POLR3B: variants seen among roughly 807,000 people sequenced by gnomAD.
POLR3B encodes the protein RNA polymerase III subunit B.
POLR3B carries 96 observed loss-of-function variants against 147.4 expected under a neutral mutation model. That is an observed-to-expected ratio of 0.65 (90% CI 0.55 to 0.77). The LOEUF (loss-of-function observed/expected upper bound fraction) is 0.77. Ranked by LOEUF, POLR3B falls within the 30% of genes least tolerant of loss-of-function variation. The pLI is 0.00. For synonymous variants in POLR3B, 461 were observed against 485.9 expected, an observed-to-expected ratio of 0.95 and a Z score of 0.67; for missense variants, 1,036 against 1,413.5, an observed-to-expected ratio of 0.73 and a Z score of 4.28.
At chr12:106,396,747 A>G (rs1171986884) in intron 10 of POLR3B, among the ~76,000 whole-genome samples, 1 of 152,104 alleles carries the variant, frequency 6.6e-6, no homozygotes, top group African/African-American at 2.4e-5. Flanking sequence ...AAGTTAAAGA[A>G]TCAAAGATCC....
chr12:106,377,967 A>C (rs547861142), intron 7 of POLR3B, among the ~76,000 whole-genome samples: 49 of 152,318 alleles, frequency 3.2e-4, no homozygotes, highest in African/African-American at 1.2e-3. Flanking sequence ...ACATGCCTCT[A>C]GTCCTAGCTA....
intron 23 of POLR3B, among the ~76,000 whole-genome samples, chr12:106,490,985 A>C (rs1201630424): frequency 6.6e-6 from 1 of 152,222 alleles, no homozygotes; most frequent in East Asian, 1.9e-4. Context: ...CAACCCAGGA[A>C]GGAATGAGCT....
intron 9 of POLR3B, among the ~76,000 whole-genome samples, chr12:106,389,009 A>G (rs1593012661): frequency 6.6e-6 from 1 of 152,104 alleles, no homozygotes; most frequent in Admixed American, 6.5e-5. Flanking sequence ...ATTTTTTCAT[A>G]AGTTTATTAT....
chr12:106,374,805 C>T (rs1214041339), intron 6 of POLR3B, among the ~76,000 whole-genome samples: 2 of 152,108 alleles, frequency 1.3e-5, no homozygotes, highest in East Asian at 1.9e-4. Flanking sequence ...CGTGAGCCAC[C>T]GCACCTGGCC....
intron 27 of POLR3B, among the ~76,000 whole-genome samples, chr12:106,509,090 G>A (rs1401027179): frequency 6.6e-6 from 1 of 152,190 alleles, no homozygotes; most frequent in Non-Finnish European, 1.5e-5. Flanking sequence ...CAATGGTTCA[G>A]ATTTCTGGAG....
intron 23 of POLR3B, among the ~76,000 whole-genome samples, chr12:106,491,230 T>A (rs1373213116): frequency 6.6e-6 from 1 of 152,168 alleles, no homozygotes; most frequent in Non-Finnish European, 1.5e-5. Context: ...TGCTAATTAT[T>A]CCCGTTACAA....
In POLR3B at chr12:106,509,405, T is replaced by A. The variant is rs368781406; in HGVS notation, c.3273-15T>A. 19 of 1,613,400 alleles carry A rather than the reference T, an allele frequency of 1.2e-5. No individual in the cohort carries two copies. The highest frequency in any genetic ancestry group is 1.6e-5 in the Non-Finnish European group (19 of 1,179,536). ...GAGTTGCTGTCTGTCTAACGCTTGC[T>A]GACTTGCGTTTCAGGTGCCATTACT... is the stretch of plus-strand genomic sequence containing the variant. On this transcript the variant is annotated splice_polypyrimidine_tract_variant and intron_variant, in intron 27 of 27. Coordinates refer to ENST00000228347, the MANE Select transcript of POLR3B (RefSeq NM_018082.6).
chr12:106,432,299 A>C lies in POLR3B; in HGVS notation c.1465-19A>C, dbSNP rs759497264. 6.2e-7 allele frequency: 1 copy of C among 1,610,302 alleles called. No individual in the cohort carries two copies. The highest frequency in any genetic ancestry group is 8.5e-7 in the Non-Finnish European group (1 of 1,176,604). On this transcript the variant is annotated intron_variant, in intron 14 of 27. Transcript: ENST00000228347. The stretch of plus-strand genomic sequence containing the variant: ...TTACTAATGTTCATTCTTAGAAATG[A>C]CCATCTTTTGTTTTTTAGGCATGTG...
At chr12:106,357,977 T>G (rs1471570445) in intron 1 of POLR3B, 26 bp downstream of exon 1, 2 of 1,610,172 alleles carry the variant, frequency 1.2e-6, no homozygotes, top group Non-Finnish European at 1.7e-6. Context: ...GCAGGGAGCG[T>G]CAGGGACAAG....
At chr12:106,379,946 T>A (rs2036736660) in intron 8 of POLR3B, 85 bp from the exon 9 acceptor site, 1 of 783,242 alleles carries the variant, frequency 1.3e-6, no homozygotes, top group African/African-American at 1.7e-5. Flanking sequence ...TGACCCTTAT[T>A]GATTAATGAT....
intron 8 of POLR3B, 64 bp from the exon 9 acceptor site, chr12:106,379,967 A>T: frequency 3.4e-6 from 3 of 875,164 alleles, no homozygotes. Flanking sequence ...CATTGCTATT[A>T]TTGCATGTTA....
chr12:106,460,370 G>C (rs1168916376), intron 22 of POLR3B, among the ~76,000 whole-genome samples: 1 of 152,166 alleles, frequency 6.6e-6, no homozygotes, highest in Admixed American at 6.6e-5. Flanking sequence ...TCTCTTAGTG[G>C]CTCATTAGAA....
intron 23 of POLR3B, among the ~76,000 whole-genome samples, chr12:106,469,042 G>A (rs1469182011): frequency 6.6e-6 from 1 of 152,118 alleles, no homozygotes; most frequent in Non-Finnish European, 1.5e-5. Flanking sequence ...ACAGTGGGGT[G>A]TTAAAGTCTC....
intron 27 of POLR3B, chr12:106,507,748 CTCTG>C (rs1474899731): frequency 1.3e-5 from 6 of 455,778 alleles, no homozygotes; most frequent in African/African-American, 6.0e-5. Flanking sequence ...CCTCAGGAAA[CTCTG>C]TCTGCATAGT....
intron 22 of POLR3B, among the ~76,000 whole-genome samples, chr12:106,461,221 G>A (rs954475259): frequency 6.6e-6 from 1 of 151,924 alleles, no homozygotes; most frequent in Non-Finnish European, 1.5e-5. Flanking sequence ...AGCCTCCCGA[G>A]TAGCTGGGAC....
chr12:106,410,619 G>T lies in POLR3B; in HGVS notation c.967-207G>T, dbSNP rs2037212189. On this transcript the variant is annotated intron_variant, in intron 11 of 27. Transcript: ENST00000228347. ...TTGATGTAGTCATCTTTGACACAGAGGTACTCACAGGTTACTGAGGACAAT... is the reference window on the plus strand; with the variant it reads ...TTGATGTAGTCATCTTTGACACAGATGTACTCACAGGTTACTGAGGACAAT... The T allele has an allele frequency of 5.1e-6, 3 of 583,388 alleles. No homozygotes were observed. The South Asian group carries it at 6.0e-5, about 12-fold the overall frequency. The allele number at this position is 583,388 out of a possible 1,614,324, so 36.1% of individuals were successfully genotyped here. A position where few individuals can be genotyped will look rare whatever the true frequency, so the allele number is the denominator to read the frequency against.
At chr12:106,448,803 A>G (rs189750443) in intron 19 of POLR3B, among the ~76,000 whole-genome samples, 6 of 152,142 alleles carry the variant, frequency 3.9e-5, no homozygotes, top group Admixed American at 3.9e-4. Context: ...TTGTTCTGAC[A>G]AGGAAGCTGA....
chr12:106,477,176 G>C (rs1487855661), intron 23 of POLR3B, among the ~76,000 whole-genome samples: 1 of 130,558 alleles, frequency 7.7e-6, no homozygotes, highest in East Asian at 2.0e-4. Flanking sequence ...CAGTTAGGCT[G>C]CTCGGGGGTC....
intron 9 of POLR3B, among the ~76,000 whole-genome samples, chr12:106,384,244 A>G (rs923832939): frequency 1.3e-5 from 2 of 152,244 alleles, no homozygotes; most frequent in African/African-American, 4.8e-5. Flanking sequence ...CTGTAGTTAC[A>G]TAGCAGCCCA....
Sources: allele counts gnomAD v4.1 joint callset (sites outside exome capture counted in the v4.1 genomes callset), GRCh38; gene constraint gnomAD v4.1.1; transcripts MANE v1.5; gene names NCBI Gene and HGNC (gene_info 2026-07-23, HGNC 2026-07-21).